SNTG1: variants seen among roughly 807,000 people sequenced by gnomAD.
SNTG1 encodes syntrophin gamma 1.
In SNTG1, 39 loss-of-function variants were observed where a neutral mutation model predicts 74.7. That is an observed-to-expected ratio of 0.52 (90% CI 0.40 to 0.68). The LOEUF is 0.68. Among genes scored for constraint, SNTG1 ranks in the 30% least tolerant of loss-of-function variants. The pLI is 0.00. For synonymous variants in SNTG1, 254 were observed against 217.1 expected (o/e 1.17, Z -1.49); for missense variants, 685 against 609.5 (o/e 1.12, Z -1.30).
chr8:50,055,421 T>A (rs1309488254), intron 1 of SNTG1, among the ~76,000 whole-genome samples: 1 of 152,056 alleles, frequency 6.6e-6, no homozygotes, highest in East Asian at 1.9e-4. Flanking sequence ...GTTTACCAGG[T>A]TTTCAATGAA....
chr8:50,590,630 G>A (rs1206405402), intron 12 of SNTG1, among the ~76,000 whole-genome samples: 1 of 151,580 alleles, frequency 6.6e-6, no homozygotes, highest in African/African-American at 2.4e-5. Context: ...TGGTTTCTCT[G>A]AGTTAAAAAA....
At position 50,474,661 on chromosome 8, in the gene SNTG1, C is replaced by T. The variant is rs189260472; in HGVS notation, c.363+23932C>T. ...AAACTAGTTCAAATGTTGTGGAAGTCGGTGTGGCAATTCCTCAGGGATCTA... is the reference window on the plus strand; with the variant it reads ...AAACTAGTTCAAATGTTGTGGAAGTTGGTGTGGCAATTCCTCAGGGATCTA... On this transcript the variant is annotated intron_variant, in intron 8 of 18. Coordinates refer to ENST00000642720, the MANE Select transcript of SNTG1 (RefSeq NM_018967.5). 6.6e-5 allele frequency among the ~76,000 whole-genome samples: 10 copies of T among 152,232 alleles called. No individual in the cohort carries two copies. The South Asian group carries it at 8.3e-4, about 13-fold the overall frequency.
chr8:49,929,042 G>T (rs888118339), intron 1 of SNTG1, among the ~76,000 whole-genome samples: 3 of 152,006 alleles, frequency 2.0e-5, no homozygotes, highest in Non-Finnish European at 4.4e-5. Flanking sequence ...CAAAGAAAAA[G>T]CTGGCTTTTC....
chr8:50,655,008 G>C (rs142474630), intron 13 of SNTG1, among the ~76,000 whole-genome samples: 184 of 152,274 alleles, frequency 1.2e-3, no homozygotes, highest in African/African-American at 4.4e-3. Flanking sequence ...CGTGTAGAAA[G>C]CACACCTATG....
At chr8:50,361,879 A>T (rs2091968670) in intron 2 of SNTG1, among the ~76,000 whole-genome samples, 1 of 152,164 alleles carries the variant, frequency 6.6e-6, no homozygotes, top group South Asian at 2.1e-4. Flanking sequence ...CTCCAAACAT[A>T]TTTCAGCATA....
intron 1 of SNTG1, among the ~76,000 whole-genome samples, chr8:50,069,583 A>ATT (rs71235778): frequency 6.0e-5 from 4 of 67,078 alleles, no homozygotes; most frequent in Non-Finnish European, 7.5e-5. Flanking sequence ...ATTGGGAGGA[A>ATT]TTTTTTTTTT....
At chr8:49,962,953 G>T (rs1341331406) in intron 1 of SNTG1, among the ~76,000 whole-genome samples, 1 of 152,140 alleles carries the variant, frequency 6.6e-6, no homozygotes, top group African/African-American at 2.4e-5. Flanking sequence ...GCAGTATCTG[G>T]CAGGAGCAGG....
intron 2 of SNTG1, among the ~76,000 whole-genome samples, chr8:50,325,442 G>T (rs536800249): frequency 1.3e-5 from 2 of 152,018 alleles, no homozygotes; most frequent in East Asian, 3.9e-4. Flanking sequence ...TTTTTAAAAA[G>T]ATTTATGCTG....
At chr8:50,332,059 C>A (rs1255156433) in intron 2 of SNTG1, among the ~76,000 whole-genome samples, 1 of 152,140 alleles carries the variant, frequency 6.6e-6, no homozygotes, top group Non-Finnish European at 1.5e-5. Flanking sequence ...GTTGCAGATC[C>A]ATAATTTAAT....
intron 1 of SNTG1, among the ~76,000 whole-genome samples, chr8:50,065,362 C>G (rs571935922): frequency 2.0e-5 from 3 of 152,066 alleles, no homozygotes; most frequent in Admixed American, 6.5e-5. Flanking sequence ...TTTTACATAA[C>G]AAATATCCTG....
intron 2 of SNTG1, among the ~76,000 whole-genome samples, chr8:50,227,536 C>G (rs1419121212): frequency 6.6e-6 from 1 of 152,042 alleles, no homozygotes; most frequent in Non-Finnish European, 1.5e-5. Flanking sequence ...TGGAGAAAAA[C>G]TTGTGAAGGT....
intron 15 of SNTG1, among the ~76,000 whole-genome samples, chr8:50,688,084 C>G (rs7827245): frequency 2.6e-5 from 4 of 152,166 alleles, no homozygotes. Flanking sequence ...ATATCCTTCA[C>G]CCACTTTTTG....
chr8:50,140,897 G>A (rs2081636679), intron 1 of SNTG1, among the ~76,000 whole-genome samples: 1 of 152,062 alleles, frequency 6.6e-6, no homozygotes, highest in Admixed American at 6.6e-5. Context: ...TAAAGAAGTA[G>A]GTTGAGGGAG....
intron 2 of SNTG1, among the ~76,000 whole-genome samples, chr8:50,276,406 T>A (rs952577797): frequency 7.0e-6 from 1 of 142,344 alleles, no homozygotes; most frequent in African/African-American, 2.7e-5. Flanking sequence ...TATATATATA[T>A]ATAAATCATA....
chr8:50,340,746 A>G (rs1481445417), intron 2 of SNTG1, among the ~76,000 whole-genome samples: 1 of 151,958 alleles, frequency 6.6e-6, no homozygotes, highest in African/African-American at 2.4e-5. Flanking sequence ...CCTTAAAATT[A>G]AAAACTTAAT....
At chr8:50,273,520 T>C (rs2087904720) in intron 2 of SNTG1, among the ~76,000 whole-genome samples, 1 of 152,166 alleles carries the variant, frequency 6.6e-6, no homozygotes, top group Non-Finnish European at 1.5e-5. Context: ...TAAGATGCTG[T>C]GTGTAGGTTA....
At chr8:50,052,077 A>C (rs749402130) in intron 1 of SNTG1, among the ~76,000 whole-genome samples, 4 of 152,086 alleles carry the variant, frequency 2.6e-5, no homozygotes, top group Non-Finnish European at 4.4e-5. Flanking sequence ...CATATGCAAG[A>C]GACCTAGAAT....
At chr8:50,418,177 C>A (rs1230159558) in intron 4 of SNTG1, among the ~76,000 whole-genome samples, 2 of 152,264 alleles carry the variant, frequency 1.3e-5, no homozygotes, top group Middle Eastern at 3.4e-3. Context: ...GCCATCATCC[C>A]CCAAATTCAG....
At chr8:50,075,874 G>A (rs1194330520) in intron 1 of SNTG1, among the ~76,000 whole-genome samples, 2 of 152,020 alleles carry the variant, frequency 1.3e-5, no homozygotes, top group South Asian at 2.1e-4. Flanking sequence ...CCCACCAGAA[G>A]GAAGAAACTC....
Sources: allele counts gnomAD v4.1 joint callset (sites outside exome capture counted in the v4.1 genomes callset), GRCh38; gene constraint gnomAD v4.1.1; transcripts MANE v1.5; gene names NCBI Gene and HGNC (gene_info 2026-07-23, HGNC 2026-07-21).